ZDHHC14: variants seen among roughly 807,000 people sequenced by gnomAD.
The protein encoded by ZDHHC14 is zDHHC palmitoyltransferase 14.
Under a neutral mutation model 47.7 loss-of-function variants are expected in ZDHHC14, and 16 were observed. That is an observed-to-expected ratio of 0.34 (90% confidence interval 0.23 to 0.51). The LOEUF (loss-of-function observed/expected upper bound fraction) is 0.51. Ranked by LOEUF, ZDHHC14 falls within the 20% of genes least tolerant of loss-of-function variation. The pLI is 0.97. For missense variants in ZDHHC14, 515 were observed against 662.5 expected (o/e 0.78, Z 2.44); for synonymous variants, 293 against 278.9 (o/e 1.05, Z -0.50).
At chr6:157,493,517 G>C (rs1779980173) in intron 1 of ZDHHC14, among the ~76,000 whole-genome samples, 1 of 152,240 alleles carries the variant, frequency 6.6e-6, no homozygotes, top group Non-Finnish European at 1.5e-5. Flanking sequence ...ATGCCAGTCA[G>C]ACGAATTTCC....
intron 3 of ZDHHC14, among the ~76,000 whole-genome samples, chr6:157,602,647 G>A (rs1784381222): frequency 6.6e-6 from 1 of 152,134 alleles, no homozygotes; most frequent in African/African-American, 2.4e-5. Flanking sequence ...TAGGACAGAA[G>A]CTCAGGGATG....
intron 1 of ZDHHC14, among the ~76,000 whole-genome samples, chr6:157,480,051 A>C (rs1465954138): frequency 6.6e-6 from 1 of 152,140 alleles, no homozygotes; most frequent in African/African-American, 2.4e-5. Flanking sequence ...TGGCCCACCT[A>C]TGTCACAGGT....
chr6:157,560,516 G>A (rs1031584291), intron 2 of ZDHHC14, among the ~76,000 whole-genome samples: 1 of 151,976 alleles, frequency 6.6e-6, no homozygotes, highest in Non-Finnish European at 1.5e-5. Flanking sequence ...ATGTACATTG[G>A]GATCTTAATA....
chr6:157,502,648 C>T lies in ZDHHC14; in HGVS notation c.246-39937C>T, dbSNP rs1780216746. Among the ~76,000 whole-genome samples the T allele has an allele frequency of 6.6e-6, 1 of 152,134 alleles. No individual in the cohort carries two copies. The highest frequency in any genetic ancestry group is 6.6e-5 in the Admixed American group (1 of 15,258). On this transcript the variant is annotated intron_variant, in intron 1 of 8. Transcript: ENST00000359775. This position sits in a 1 kb window ranked among gnomAD's most constrained non-coding sequence, Gnocchi z 4.0. ...GCCCACATGTGCTAGTAATGCTACT[C>T]ATGGCTCATAGTTTTTGTTGTGTTT...
intron 2 of ZDHHC14, among the ~76,000 whole-genome samples, chr6:157,581,814 C>T (rs1297182412): frequency 1.3e-5 from 2 of 152,096 alleles, no homozygotes; most frequent in African/African-American, 4.8e-5. Flanking sequence ...ATGGGTGTCA[C>T]TGCATGCGAG....
chr6:157,472,901 T>C (rs1779387949), intron 1 of ZDHHC14, among the ~76,000 whole-genome samples: 4 of 152,208 alleles, frequency 2.6e-5, no homozygotes, highest in Admixed American at 2.6e-4. Context: ...GTACCAGTGC[T>C]GTGATGGACT....
chr6:157,414,877 A>T (rs1777943118), intron 1 of ZDHHC14, among the ~76,000 whole-genome samples: 3 of 142,230 alleles, frequency 2.1e-5, no homozygotes, highest in Non-Finnish European at 4.5e-5. Flanking sequence ...GAAATTGTGA[A>T]TTCTGTTCTT....
At chr6:157,622,216 CAAA>C (rs35681787) in intron 3 of ZDHHC14, among the ~76,000 whole-genome samples, 5,702 of 93,786 alleles carry the variant, frequency 0.061, 305 homozygotes, top group African/African-American at 0.19. Context: ...ACTAAAAATA[CAAA>C]AAAAAAAAAA....
chr6:157,607,975 C>G (rs1472120804), intron 3 of ZDHHC14, among the ~76,000 whole-genome samples: 1 of 152,250 alleles, frequency 6.6e-6, no homozygotes, highest in African/African-American at 2.4e-5. Flanking sequence ...AAATTCCTAA[C>G]AATGCGATGT....
intron 1 of ZDHHC14, among the ~76,000 whole-genome samples, chr6:157,498,376 GGA>G (rs1179253240): frequency 1.3e-5 from 2 of 152,058 alleles, no homozygotes; most frequent in African/African-American, 4.8e-5. Context: ...TTGTGGCTGA[GGA>G]GAGTGTCCAG....
rs192195064 is a variant in ZDHHC14, at chr6:157,565,203, C to T, written c.406+22458C>T. On this transcript the variant is annotated intron_variant, in intron 2 of 8. Transcript: ENST00000359775. Reference sequence around the variant, plus strand: ...TCAAGGTTGCAGTGAGCCAAGATTGCACCACTGCACTCCATCCAGGCAAAA... The same window carrying T: ...TCAAGGTTGCAGTGAGCCAAGATTGTACCACTGCACTCCATCCAGGCAAAA... 2.0e-3 allele frequency among the ~76,000 whole-genome samples: 312 copies of T among 152,276 alleles called. 1 individual carries two copies. The highest frequency in any genetic ancestry group is 6.3e-3 in the African/African-American group (263 of 41,546).
In ZDHHC14 at chr6:157,502,981, G is replaced by A. The variant is rs1380993381; in HGVS notation, c.246-39604G>A. On this transcript the variant is annotated intron_variant, in intron 1 of 8. Coordinates refer to ENST00000359775, the MANE Select transcript of ZDHHC14 (RefSeq NM_024630.3). The surrounding 1 kb of genome is among the most constrained non-coding windows in gnomAD (Gnocchi z 4.0). ...ATTGGAATTACAGGCATGAGCCACC[G>A]CACCCGGCTGTGTTTGTTTTTAAAC... Among the ~76,000 whole-genome samples, 2 of 152,204 alleles carry A rather than the reference G, an allele frequency of 1.3e-5. No individual in the cohort carries two copies. The highest frequency in any genetic ancestry group is 6.5e-5 in the Admixed American group (1 of 15,288).
rs917488550 is a variant in ZDHHC14, at chr6:157,515,755, G to A, written c.246-26830G>A. ...GCTGGGATTACAGACGTGAGCCACC[G>A]CGCCCGGCCCACCCTTCATTTCTTT... On this transcript the variant is annotated intron_variant, in intron 1 of 8. Transcript: ENST00000359775. 4.6e-5 allele frequency among the ~76,000 whole-genome samples: 7 copies of A among 151,868 alleles called. No individual in the cohort carries two copies. In the East Asian group the frequency reaches 1.4e-3, roughly 29 times the overall value.
Position 157,657,992 on chromosome 6 carries a change from T to C in ZDHHC14, c.1068+4365T>C, listed in dbSNP as rs111478050. Among the ~76,000 whole-genome samples the C allele has an allele frequency of 4.5e-3, 686 of 152,320 alleles. 4 individuals are homozygous for C. The highest frequency in any genetic ancestry group is 0.016 in the South Asian group (77 of 4,824). ...AAATGGGAACATTGATATTCTTACC[T>C]TGTAGGGTTTCTATGAGGATTAAGT... On this transcript the variant is annotated intron_variant, in intron 8 of 8. Coordinates refer to ENST00000359775, the MANE Select transcript of ZDHHC14 (RefSeq NM_024630.3).
At chr6:157,668,026 C>T (rs561102753) in intron 8 of ZDHHC14, among the ~76,000 whole-genome samples, 2 of 152,292 alleles carry the variant, frequency 1.3e-5, no homozygotes, top group East Asian at 3.9e-4. Flanking sequence ...AGAGCCTGGT[C>T]CCCGTGTGCC....
chr6:157,470,751 A>G (rs1460827684), intron 1 of ZDHHC14, among the ~76,000 whole-genome samples: 1 of 152,274 alleles, frequency 6.6e-6, no homozygotes, highest in Non-Finnish European at 1.5e-5. Context: ...ATACATTAAT[A>G]TCATGGTAGG....
At chr6:157,452,844 A>G (rs1177744407) in intron 1 of ZDHHC14, among the ~76,000 whole-genome samples, 1 of 151,894 alleles carries the variant, frequency 6.6e-6, no homozygotes, top group African/African-American at 2.4e-5. Context: ...CTGGGACTAC[A>G]GGCATGCACC....
intron 1 of ZDHHC14, among the ~76,000 whole-genome samples, chr6:157,481,495 C>T (rs576422750): frequency 1.1e-4 from 17 of 152,284 alleles, no homozygotes; most frequent in African/African-American, 3.4e-4. Flanking sequence ...TCCCACCGAC[C>T]CTCTGATTCA....
chr6:157,391,327 G>T (rs1777415020), intron 1 of ZDHHC14, among the ~76,000 whole-genome samples: 1 of 152,176 alleles, frequency 6.6e-6, no homozygotes, highest in South Asian at 2.1e-4. Context: ...TACAGCTGCT[G>T]TGCCCCAGCT....
Sources: allele counts gnomAD v4.1 joint callset (sites outside exome capture counted in the v4.1 genomes callset), GRCh38; gene constraint gnomAD v4.1.1; non-coding constraint Gnocchi (gnomAD v3.1); transcripts MANE v1.5; gene names NCBI Gene and HGNC (gene_info 2026-07-23, HGNC 2026-07-21).